The following CADPS2 variants were observed in gnomAD, a reference collection of about 807,000 sequenced individuals.
CADPS2 encodes calcium dependent secretion activator 2, also known as calcium-dependent secretion activator 2.
CADPS2 carries 93 observed loss-of-function variants against 172.5 expected under a neutral mutation model. The observed-to-expected ratio is 0.54, with a 90% CI of 0.46 to 0.64. The LOEUF (loss-of-function observed/expected upper bound fraction) is 0.64. CADPS2 is among the 30% of genes least tolerant of loss of function. The pLI is 0.00. For missense variants in CADPS2, 1,420 were observed against 1,565.9 expected (o/e 0.91, Z 1.57); for synonymous variants, 546 against 555.2 (o/e 0.98, Z 0.23).
At chr7:122,642,443 C>T (rs2077765551) in intron 3 of CADPS2, among the ~76,000 whole-genome samples, 1 of 151,938 alleles carries the variant, frequency 6.6e-6, no homozygotes, top group Non-Finnish European at 1.5e-5. Flanking sequence ...TCTCCCTTTG[C>T]AGAAGTCCTA....
intron 2 of CADPS2, among the ~76,000 whole-genome samples, chr7:122,691,191 A>T (rs2136043985): frequency 6.6e-6 from 1 of 152,328 alleles, no homozygotes; most frequent in Non-Finnish European, 1.5e-5. Context: ...CGTCCATATG[A>T]CGACTGTAAC....
Position 122,683,756 on chromosome 7 carries a change from C to A in CADPS2, c.454-20187G>T, listed in dbSNP as rs566875603. Among the ~76,000 whole-genome samples the A allele has an allele frequency of 1.4e-3, 194 of 141,158 alleles. 1 individual carries two copies. The highest frequency in any genetic ancestry group is 8.6e-4 in the Non-Finnish European group (55 of 63,814). 92.6% of individuals were successfully genotyped at this position (141,158 alleles called of 152,430 possible). A position where few individuals can be genotyped will look rare whatever the true frequency, so the allele number is the denominator to read the frequency against. ...ATAATGTTAATGAAGAAAAAAAAAA[C>A]AAACAGATTCCCAGTTGGGGCTGCT... On this transcript the variant is annotated intron_variant, in intron 2 of 29. Transcript: ENST00000449022.
intron 8 of CADPS2, among the ~76,000 whole-genome samples, chr7:122,537,923 A>T (rs2131499646): frequency 6.6e-6 from 1 of 151,978 alleles, no homozygotes; most frequent in African/African-American, 2.4e-5. Flanking sequence ...TTAATAGCTA[A>T]ATCTAATAAT....
At chr7:122,699,583 TATTTA>T (rs756006486) in intron 2 of CADPS2, among the ~76,000 whole-genome samples, 4 of 152,196 alleles carry the variant, frequency 2.6e-5, no homozygotes, top group Non-Finnish European at 4.4e-5. Flanking sequence ...ATATTGCATT[TATTTA>T]ATTTAAGCTT....
At chr7:122,663,144 T>C (rs1389277162) in intron 3 of CADPS2, 93 bp downstream of exon 3, 4 of 903,180 alleles carry the variant, frequency 4.4e-6, no homozygotes, top group South Asian at 1.8e-5. Context: ...AAAGTGATTA[T>C]AGCAAGTAAA....
intron 2 of CADPS2, among the ~76,000 whole-genome samples, chr7:122,705,756 TATATA>T (rs1216641556): frequency 0.53 from 10,648 of 20,086 alleles, 4,465 homozygotes; most frequent in African/African-American, 0.58. Flanking sequence ...ATATATATAA[TATATA>T]ATATATGATA....
chr7:122,415,369 G>A (rs2047763424), intron 18 of CADPS2, among the ~76,000 whole-genome samples: 1 of 152,060 alleles, frequency 6.6e-6, no homozygotes, highest in Non-Finnish European at 1.5e-5. Context: ...ACGGGTTTGT[G>A]TTCCGTCTTT....
intron 27 of CADPS2, among the ~76,000 whole-genome samples, chr7:122,353,323 T>G (rs1487065734): frequency 6.6e-6 from 1 of 152,118 alleles, no homozygotes; most frequent in African/African-American, 2.4e-5. Flanking sequence ...CTTTAGCAAG[T>G]ATCATAAAGA....
At chr7:122,817,725 C>A (rs1801894719) in intron 1 of CADPS2, among the ~76,000 whole-genome samples, 1 of 151,782 alleles carries the variant, frequency 6.6e-6, no homozygotes, top group African/African-American at 2.4e-5. Context: ...TACCCCTCAA[C>A]CCCTTCTCCT....
At chr7:122,554,271 G>T (rs967612363) in intron 8 of CADPS2, among the ~76,000 whole-genome samples, 3 of 152,038 alleles carry the variant, frequency 2.0e-5, no homozygotes, top group Non-Finnish European at 2.9e-5. Flanking sequence ...TCAGTGCCCT[G>T]GTGCCCTGTA....
At chr7:122,509,045 C>A (rs940677488) in intron 9 of CADPS2, among the ~76,000 whole-genome samples, 2 of 152,172 alleles carry the variant, frequency 1.3e-5, no homozygotes, top group African/African-American at 4.8e-5. Context: ...CTGTTCACTT[C>A]ACTTTATCTT....
chr7:122,541,873 A>G (rs2063119924), intron 8 of CADPS2, among the ~76,000 whole-genome samples: 1 of 145,304 alleles, frequency 6.9e-6, no homozygotes, highest in South Asian at 2.1e-4. Flanking sequence ...ATATGCATAT[A>G]TATTTATATA....
rs139774827 is a variant in CADPS2, at chr7:122,532,272, G to A, written c.1476-18957C>T. Among the ~76,000 whole-genome samples the A allele has an allele frequency of 8.7e-4, 132 of 151,966 alleles. 2 individuals carry two copies. The East Asian group carries it at 0.012, about 14-fold the overall frequency. The stretch of plus-strand genomic sequence containing the variant: ...TATATGGACACAGTTGCACAATCAC[G>A]GGCAAAAAAATTACCTTAAGTCTTC... On this transcript the variant is annotated intron_variant, in intron 8 of 29. Transcript: ENST00000449022.
At chr7:122,585,045 C>T (rs374682900) in intron 6 of CADPS2, among the ~76,000 whole-genome samples, 60 of 151,908 alleles carry the variant, frequency 3.9e-4, no homozygotes, top group South Asian at 6.2e-4. Context: ...GAAATGCTAA[C>T]GAACACCTCC....
At chr7:122,514,027 A>G (rs1301694102) in intron 8 of CADPS2, among the ~76,000 whole-genome samples, 1 of 152,186 alleles carries the variant, frequency 6.6e-6, no homozygotes, top group African/African-American at 2.4e-5. Context: ...TGATTAGCCA[A>G]TCATTTGAGA....
intron 2 of CADPS2, among the ~76,000 whole-genome samples, chr7:122,686,311 G>C (rs899853742): frequency 2.0e-5 from 3 of 152,200 alleles, no homozygotes; most frequent in East Asian, 3.9e-4. Context: ...GCAGAAGTCA[G>C]AAACCTATTG....
intron 1 of CADPS2, among the ~76,000 whole-genome samples, chr7:122,822,689 CA>C (rs919257113): frequency 6.6e-6 from 1 of 151,018 alleles, no homozygotes; most frequent in African/African-American, 2.4e-5. Context: ...CATTCCACCA[CA>C]AAAAAAGTGT....
chr7:122,803,686 T>C (rs1798131862), intron 1 of CADPS2, among the ~76,000 whole-genome samples: 1 of 152,156 alleles, frequency 6.6e-6, no homozygotes, highest in Non-Finnish European at 1.5e-5. Context: ...TATTCTTTGA[T>C]GGTAGTTTGT....
chr7:122,444,093 T>C (rs554683897), intron 15 of CADPS2, among the ~76,000 whole-genome samples: 93 of 152,286 alleles, frequency 6.1e-4, no homozygotes, highest in African/African-American at 2.2e-3. Context: ...GTGGGTCTGA[T>C]TTCTTTCACT....
Sources: allele counts gnomAD v4.1 joint callset (sites outside exome capture counted in the v4.1 genomes callset), GRCh38; gene constraint gnomAD v4.1.1; transcripts MANE v1.5; gene names NCBI Gene and HGNC (gene_info 2026-07-23, HGNC 2026-07-21).